Variants in RASSF4 observed in about 807,000 individuals in gnomAD.
The protein encoded by RASSF4 is Ras association domain family member 4, also known as ras association domain-containing protein 4.
Under a neutral mutation model 41.1 loss-of-function variants are expected in RASSF4, and 38 were observed. The observed-to-expected ratio is 0.92, with a 90% CI of 0.71 to 1.21. The LOEUF is 1.21. Among genes scored for constraint, RASSF4 ranks in the 50% most tolerant of loss-of-function variants. The probability of loss-of-function intolerance (pLI) is 0.00; values close to 1 mark genes in which losing one functional copy is unlikely to be tolerated. For missense variants in RASSF4, 414 were observed against 419.4 expected, an observed-to-expected ratio of 0.99 and a Z score of 0.11; for synonymous variants, 179 against 163.4, an observed-to-expected ratio of 1.10 and a Z score of -0.73.
chr10:44,981,387 C>A (rs1841702283), intron 3 of RASSF4: 1 of 152,044 alleles, frequency 6.6e-6, no homozygotes, highest in Non-Finnish European at 1.5e-5. Context: ...ATGAGTAAGT[C>A]CTGGATATGG....
chr10:44,971,202 G>A, intron 2 of RASSF4: 1 of 328,244 alleles, frequency 3.0e-6, no homozygotes, highest in East Asian at 8.3e-5. Context: ...AGCCAGGGCT[G>A]TGGCTTTCCC....
intron 6 of RASSF4, among the ~76,000 whole-genome samples, chr10:44,985,834 CA>C (rs1472589927): frequency 4.6e-5 from 7 of 152,196 alleles, no homozygotes; most frequent in South Asian, 4.1e-4. Context: ...ATCTCCCTTC[CA>C]CCCCCTGCTA....
chr10:44,963,419 T>C (rs1318273506), intron 1 of RASSF4, among the ~76,000 whole-genome samples: 1 of 152,234 alleles, frequency 6.6e-6, no homozygotes, highest in Admixed American at 6.5e-5. Flanking sequence ...CTGGCCAGGC[T>C]CCTGCCATTT....
chr10:44,982,225 G>A (rs766086512), intron 3 of RASSF4: 51 of 442,826 alleles, frequency 1.2e-4, no homozygotes, highest in East Asian at 2.0e-4. Context: ...TCTTCACCGC[G>A]GTGTGGACGT....
At chr10:44,988,446 A>G (rs1036984979) in intron 6 of RASSF4, among the ~76,000 whole-genome samples, 2 of 152,124 alleles carry the variant, frequency 1.3e-5, no homozygotes, top group African/African-American at 4.8e-5. Flanking sequence ...CTGCAAAAAT[A>G]TAATGTGTCC....
chr10:44,983,305 C>G (rs1011688825), intron 4 of RASSF4: 3 of 235,066 alleles, frequency 1.3e-5, no homozygotes, highest in African/African-American at 6.9e-5. Flanking sequence ...GCTGTGACAG[C>G]ACCCACCACC....
intron 2 of RASSF4, chr10:44,971,445 A>G (rs1324973573): frequency 3.8e-6 from 2 of 531,850 alleles, no homozygotes; most frequent in South Asian, 3.1e-5. Flanking sequence ...TGAGGAAGCA[A>G]CGCAGGTGGA....
chr10:44,977,777 A>G (rs1564458890), intron 3 of RASSF4: 1 of 1,601,102 alleles, frequency 6.2e-7, no homozygotes, highest in Non-Finnish European at 8.5e-7. Context: ...ACGTGCGGTG[A>G]TGTCTCGCAG....
chr10:44,982,511 AC>A lies in RASSF4; in HGVS notation c.139-5del, dbSNP rs1426337788. On this transcript the variant is annotated splice_polypyrimidine_tract_variant and intron_variant, in intron 3 of 10. Coordinates refer to ENST00000340258, the MANE Select transcript of RASSF4 (RefSeq NM_032023.4). ...CTCTGGGGGAAGGGCTGATGTGTGG[AC>A]CCCCACAGGAAGAAGGGACTCTGAT... is the stretch of plus-strand genomic sequence containing the variant. The A allele has an allele frequency of 2.4e-5, 38 of 1,609,554 alleles. No individual in the cohort carries two copies. Among genetic ancestry groups the A allele is most frequent in the Non-Finnish European group, 3.2e-5 (38 of 1,177,928 alleles).
chr10:44,994,837 A>G lies in RASSF4; in HGVS notation c.*1508A>G, dbSNP rs1208867172. 4.0e-5 allele frequency: 6 copies of G among 151,820 alleles called. No individual in the cohort carries two copies. The highest frequency in any genetic ancestry group is 1.9e-4 in the East Asian group (1 of 5,160). The allele number at this position is 151,820 out of a possible 1,614,324, so 9.4% of individuals were successfully genotyped here. A position where few individuals can be genotyped will look rare whatever the true frequency, so the allele number is the denominator to read the frequency against. On this transcript the variant is annotated 3_prime_UTR_variant, in exon 11 of 11. Coordinates refer to ENST00000340258, the MANE Select transcript of RASSF4 (RefSeq NM_032023.4). ...GGCCATGTTTGGCAGAAGAGCCACA[A>G]CTCGCTGCTCTAGGAGCCGACATGA...
intron 8 of RASSF4, among the ~76,000 whole-genome samples, chr10:44,990,140 T>C (rs904657250): frequency 6.6e-6 from 1 of 152,192 alleles, no homozygotes; most frequent in Non-Finnish European, 1.5e-5. Flanking sequence ...CGTGTCGCAG[T>C]GCATCAGGCC....
At chr10:44,963,913 G>T (rs1840803796) in intron 1 of RASSF4, among the ~76,000 whole-genome samples, 1 of 152,196 alleles carries the variant, frequency 6.6e-6, no homozygotes, top group South Asian at 2.1e-4. Context: ...AGGCAGCACA[G>T]TCTTAAAATA....
chr10:44,992,099 T>C, intron 10 of RASSF4, 97 bp downstream of exon 10: 2 of 738,238 alleles, frequency 2.7e-6, no homozygotes, highest in Non-Finnish European at 4.7e-6. Flanking sequence ...CTCTCCTCCA[T>C]GGGCACCAGT....
Position 44,971,806 on chromosome 10 carries a change from C to A in RASSF4, c.96C>A (p.Asn32Lys). The change falls in exon 3 of 11, where the codon AAC (asparagine) becomes AAA (lysine). Residue 32 changes from asparagine to lysine, a missense_variant. Physicochemically the swap from Asn to Lys is moderately conservative, Grantham distance 94. Coordinates refer to ENST00000340258, the MANE Select transcript of RASSF4 (RefSeq NM_032023.4). ...TCTTAGGCCTGCTGAAAACCTACAA[C>A]TGCTACCATGAGGGCAAGAGCTTCC... is the stretch of plus-strand genomic sequence containing the variant. ...SELLGLLKTY[N>K]CYHEGKSFQL... is the part of the protein sequence containing the mutation. 6.2e-7 allele frequency: 1 copy of A among 1,613,850 alleles called. No individual in the cohort carries two copies. Among genetic ancestry groups the A allele is most frequent in the Non-Finnish European group, 8.5e-7 (1 of 1,179,782 alleles).
chr10:44,983,934 A>C, intron 4 of RASSF4, 88 bp from the exon 5 acceptor site: 1 of 1,548,920 alleles, frequency 6.5e-7, no homozygotes, highest in Non-Finnish European at 8.7e-7. Flanking sequence ...CCTGTGTCCT[A>C]CCCCAGGGGC....
intron 1 of RASSF4, among the ~76,000 whole-genome samples, chr10:44,960,645 C>G (rs1246197316): frequency 1.3e-5 from 2 of 152,232 alleles, no homozygotes; most frequent in Admixed American, 6.5e-5. Flanking sequence ...TCCTCTCACA[C>G]CAGAATCAGT....
At chr10:44,975,576 C>A (rs1841387269) in intron 3 of RASSF4, among the ~76,000 whole-genome samples, 1 of 134,780 alleles carries the variant, frequency 7.4e-6, no homozygotes, top group Non-Finnish European at 1.6e-5. Flanking sequence ...CTCTACCTCC[C>A]TTTCCACTCT....
At chr10:44,993,171 G>T in intron 10 of RASSF4, 98 bp from the exon 11 acceptor site, 1 of 980,176 alleles carries the variant, frequency 1.0e-6, no homozygotes. Flanking sequence ...CTGCTGCAGG[G>T]ATCTCCTGAG....
rs556296197 is a variant in RASSF4, at chr10:44,991,732, G to A, written c.808-173G>A. Among the ~76,000 whole-genome samples, 26 of 152,272 alleles carry A rather than the reference G, an allele frequency of 1.7e-4. 1 individual carries two copies. In the South Asian group the frequency reaches 2.5e-3, roughly 15 times the overall value. ...GCCTTTGAGATAGTAATAGGCTCCC[G>A]TCCTGGCATCTGTACACAACACAGC... On this transcript the variant is annotated intron_variant, in intron 9 of 10. Coordinates refer to ENST00000340258, the MANE Select transcript of RASSF4 (RefSeq NM_032023.4).
Sources: gnomAD v4.1 joint callset for allele counts (sites outside exome capture counted in the v4.1 genomes callset) on GRCh38, gnomAD v4.1.1 for gene constraint, MANE v1.5 for transcripts, NCBI Gene and HGNC (gene_info 2026-07-23, HGNC 2026-07-21) for gene names.